Variants in NEDD4 observed in about 807,000 individuals in gnomAD.
NEDD4 encodes the protein E3 ubiquitin-protein ligase NEDD4.
In NEDD4, 99 loss-of-function variants were observed where a neutral mutation model predicts 144.9. That is an observed-to-expected ratio of 0.68 (90% CI 0.58 to 0.81). The LOEUF is 0.81. Ranked by LOEUF, NEDD4 falls within the 30% of genes least tolerant of loss-of-function variation. The pLI is 0.00. For synonymous variants in NEDD4, 318 were observed against 350.6 expected (o/e 0.91, Z 1.04); for missense variants, 985 against 1,065.9 (o/e 0.92, Z 1.06).
intron 5 of NEDD4, among the ~76,000 whole-genome samples, chr15:55,904,789 G>C (rs1309123051): frequency 2.0e-5 from 3 of 151,936 alleles, no homozygotes; most frequent in Non-Finnish European, 4.4e-5. Context: ...TATACACAAG[G>C]TATGTCAGAC....
chr15:55,835,585 T>C (rs2033159090), intron 24 of NEDD4, among the ~76,000 whole-genome samples: 1 of 152,240 alleles, frequency 6.6e-6, no homozygotes, highest in Non-Finnish European at 1.5e-5. Flanking sequence ...ACAGCTTCAC[T>C]ACACTTAAGC....
intron 5 of NEDD4, chr15:55,917,258 C>G (rs1350998572): frequency 1.5e-6 from 1 of 673,032 alleles, no homozygotes; most frequent in African/African-American, 2.0e-5. Context: ...CCCAGCTCTA[C>G]TAAATGAACA....
intron 1 of NEDD4, among the ~76,000 whole-genome samples, chr15:55,981,903 T>C (rs2037810401): frequency 6.6e-6 from 1 of 152,232 alleles, no homozygotes; most frequent in Non-Finnish European, 1.5e-5. Context: ...GTATTCCTCA[T>C]TTAAAATACT....
At chr15:55,973,490 G>A (rs1324010663) in intron 1 of NEDD4, among the ~76,000 whole-genome samples, 2 of 152,210 alleles carry the variant, frequency 1.3e-5, no homozygotes, top group African/African-American at 4.8e-5. Context: ...AAGGAGCCAT[G>A]ACTGTGCCAC....
At chr15:55,933,527 C>T (rs1197088299) in intron 4 of NEDD4, among the ~76,000 whole-genome samples, 12 of 71,154 alleles carry the variant, frequency 1.7e-4, no homozygotes, top group East Asian at 3.8e-4. Flanking sequence ...TGGGGCCTGT[C>T]GTGGGGTGGG....
intron 2 of NEDD4, among the ~76,000 whole-genome samples, chr15:55,952,101 G>A (rs2037251152): frequency 6.6e-6 from 1 of 151,876 alleles, no homozygotes; most frequent in Non-Finnish European, 1.5e-5. Flanking sequence ...GGCCGAGGCG[G>A]GCGGATCATG....
At chr15:55,896,823 G>C (rs1474672249) in intron 5 of NEDD4, among the ~76,000 whole-genome samples, 1 of 151,912 alleles carries the variant, frequency 6.6e-6, no homozygotes, top group African/African-American at 2.4e-5. Context: ...TTTATTCTTT[G>C]TTATAGCCCA....
intron 4 of NEDD4, among the ~76,000 whole-genome samples, chr15:55,927,289 G>T (rs2036692715): frequency 6.6e-6 from 1 of 151,834 alleles, no homozygotes; most frequent in African/African-American, 2.4e-5. Context: ...GTGCTCTAAG[G>T]AAATGAGACA....
In NEDD4 at chr15:55,906,335, A is replaced by G. The variant is rs556095553; in HGVS notation, c.291+18311T>C. Among the ~76,000 whole-genome samples the G allele has an allele frequency of 2.7e-3, 405 of 152,314 alleles. 1 individual carries two copies. Among genetic ancestry groups the G allele is most frequent in the African/African-American group, 7.4e-3 (309 of 41,560 alleles). ...CTGCTATAAAGACACATGGACACGT[A>G]TGTTTATTGCAGCACTATTCACAAT... On this transcript the variant is annotated intron_variant, in intron 5 of 28. Coordinates refer to ENST00000435532, the MANE Select transcript of NEDD4 (RefSeq NM_006154.4).
chr15:55,977,161 A>G (rs2037717083), intron 1 of NEDD4, among the ~76,000 whole-genome samples: 1 of 152,198 alleles, frequency 6.6e-6, no homozygotes, highest in African/African-American at 2.4e-5. Flanking sequence ...CTCGCTAAAT[A>G]AGATAGTCAT....
chr15:55,856,467 C>CT (rs1359565601), intron 11 of NEDD4, among the ~76,000 whole-genome samples: 2 of 152,202 alleles, frequency 1.3e-5, no homozygotes, highest in African/African-American at 4.8e-5. Flanking sequence ...AATACACTCC[C>CT]TCTCCACTTT....
intron 4 of NEDD4, among the ~76,000 whole-genome samples, chr15:55,939,066 A>G (rs1346685968): frequency 6.6e-6 from 1 of 152,174 alleles, no homozygotes; most frequent in East Asian, 1.9e-4. Context: ...TGATTGTGCC[A>G]CTGCGCTCCA....
At chr15:55,956,182 T>C (rs1428582413) in intron 2 of NEDD4, among the ~76,000 whole-genome samples, 1 of 152,016 alleles carries the variant, frequency 6.6e-6, no homozygotes, top group Non-Finnish European at 1.5e-5. Flanking sequence ...ATGGGGTACA[T>C]GAGATTACCC....
At chr15:55,867,821 C>G (rs904397495) in intron 8 of NEDD4, among the ~76,000 whole-genome samples, 2 of 152,148 alleles carry the variant, frequency 1.3e-5, no homozygotes, top group African/African-American at 4.8e-5. Context: ...TTTGGGAAGC[C>G]GAGGCGGATG....
intron 1 of NEDD4, among the ~76,000 whole-genome samples, chr15:55,975,409 A>G (rs2037682913): frequency 6.6e-6 from 1 of 152,216 alleles, no homozygotes; most frequent in Admixed American, 6.5e-5. Flanking sequence ...CAAAATCAAT[A>G]CACAAAAAAT....
At chr15:55,985,949 A>C (rs761092597) in intron 1 of NEDD4, among the ~76,000 whole-genome samples, 38 of 152,204 alleles carry the variant, frequency 2.5e-4, no homozygotes, top group Non-Finnish European at 5.0e-4. Flanking sequence ...AATACAAGAG[A>C]AGCCTGGAAC....
In NEDD4 at chr15:55,848,555, A is replaced by T. The variant is rs1319458230; in HGVS notation, c.1449T>A (p.Thr483=). The stretch of plus-strand genomic sequence containing the variant: ...TGTAGAAGATTCTTCCATCTGTGTG[A>T]GTTCTCTCTTCCCATCCTGGCTATA... ...GPLPPGWEER[T]HTDGRIFYIN... Residue 483 remains threonine, a synonymous_variant, in exon 16 of 29, where the codon ACT becomes ACA. Transcript: ENST00000435532. The T allele has an allele frequency of 1.2e-6, 2 of 1,613,416 alleles. No homozygotes were observed. The highest frequency in any genetic ancestry group is 2.2e-5 in the South Asian group (2 of 91,060).
intron 5 of NEDD4, among the ~76,000 whole-genome samples, chr15:55,883,284 C>T (rs1411108220): frequency 2.6e-5 from 4 of 152,004 alleles, no homozygotes; most frequent in Non-Finnish European, 2.9e-5. Flanking sequence ...GGAGTGGCCA[C>T]GGAGAGACTC....
At chr15:55,881,036 C>T (rs570187768) in intron 5 of NEDD4, among the ~76,000 whole-genome samples, 47 of 152,110 alleles carry the variant, frequency 3.1e-4, no homozygotes, top group Non-Finnish European at 4.3e-4. Flanking sequence ...CTTAGTTTAA[C>T]GCCATATTCC....
Sources: allele counts gnomAD v4.1 joint callset (sites outside exome capture counted in the v4.1 genomes callset), GRCh38; gene constraint gnomAD v4.1.1; transcripts MANE v1.5; gene names NCBI Gene and HGNC (gene_info 2026-07-23, HGNC 2026-07-21).